Variants in ABCA9 observed in about 807,000 individuals in gnomAD.
ABCA9 encodes ATP binding cassette subfamily A member 9, also known as ATP-binding cassette sub-family A member 9.
A neutral mutation model predicts 205.3 loss-of-function variants in ABCA9; 183 were observed. The observed-to-expected ratio is 0.89, with a 90% CI of 0.79 to 1.01. The LOEUF (loss-of-function observed/expected upper bound fraction) is 1.01, where lower values mean the gene tolerates loss of function less well. ABCA9 is among the 50% of genes least tolerant of loss of function. ABCA9 has a pLI of 0.00. For missense variants in ABCA9, 1,805 were observed against 1,912.4 expected, an observed-to-expected ratio of 0.94 and a Z score of 1.05; for synonymous variants, 651 against 683.3, an observed-to-expected ratio of 0.95 and a Z score of 0.74.
chr17:68,984,764 TCCTAAAA>T lies in ABCA9; in HGVS notation c.4379+114_4379+120del. ...TGATTTGAAATCAGATAATTTTTTT[TCCTAAAA>T]TATTGCTTTTCCTGATACTGTGTCT... On this transcript the variant is annotated intron_variant, in intron 34 of 38. Transcript: ENST00000340001. 5 of 1,299,286 alleles carry T rather than the reference TCCTAAAA, an allele frequency of 3.8e-6. No homozygotes were observed. The Admixed American group carries it at 7.7e-5, about 20-fold the overall frequency. The allele number at this position is 1,299,286 out of a possible 1,614,324, so 80.5% of individuals were successfully genotyped here.
chr17:69,024,416 T>TTGTTTTA, intron 16 of ABCA9, 63 bp from the exon 17 acceptor site: 3 of 1,416,096 alleles, frequency 2.1e-6, no homozygotes, highest in Non-Finnish European at 2.8e-6. Context: ...AATTTCCTAA[T>TTGTTTTA]TATGTAGTAT....
intron 36 of ABCA9, among the ~76,000 whole-genome samples, chr17:68,983,111 CTT>C (rs1412629591): frequency 6.6e-6 from 1 of 152,122 alleles, no homozygotes; most frequent in African/African-American, 2.4e-5. Context: ...TGTAAGTGCT[CTT>C]TGATCAACAA....
Position 69,011,968 on chromosome 17 carries a change from C to T in ABCA9, c.3147+8G>A, listed in dbSNP as rs768441335. Reference sequence around the variant, plus strand: ...TAAAAAACATGTGAAGACTTTAACTCTTCTTACTTTGTAGTCACCAATGCT... The same window carrying T: ...TAAAAAACATGTGAAGACTTTAACTTTTCTTACTTTGTAGTCACCAATGCT... On this transcript the variant is annotated splice_region_variant and intron_variant, in intron 23 of 38. Coordinates refer to ENST00000340001, the MANE Select transcript of ABCA9 (RefSeq NM_080283.4). 3 of 1,598,012 alleles carry T rather than the reference C, an allele frequency of 1.9e-6. No homozygotes were observed. Among genetic ancestry groups the T allele is most frequent in the Non-Finnish European group, 2.6e-6 (3 of 1,170,262 alleles).
At chr17:69,010,290 G>A (rs1033041391) in intron 23 of ABCA9, among the ~76,000 whole-genome samples, 2 of 151,972 alleles carry the variant, frequency 1.3e-5, no homozygotes, top group African/African-American at 4.8e-5. Context: ...GCAGAGAAGG[G>A]GTCTTGGCTG....
intron 24 of ABCA9, 30 bp from the exon 25 acceptor site, chr17:69,007,902 G>A (rs2070207508): frequency 6.7e-7 from 1 of 1,490,646 alleles, no homozygotes; most frequent in Non-Finnish European, 9.3e-7. Context: ...GGTCCAATAA[G>A]GTAAATACTA....
At chr17:69,020,830 G>A in intron 18 of ABCA9, 2 of 411,504 alleles carry the variant, frequency 4.9e-6, no homozygotes, top group Non-Finnish European at 8.6e-6. Flanking sequence ...CAGCTTTATA[G>A]GACTTTATTT....
At chr17:69,011,944 A>G (rs571309985) in intron 23 of ABCA9, 32 bp downstream of exon 23, 8 of 1,509,968 alleles carry the variant, frequency 5.3e-6, no homozygotes, top group East Asian at 2.3e-5. Context: ...CTCTAGATAT[A>G]AAAAACATGT....
intron 12 of ABCA9, 50 bp downstream of exon 12, chr17:69,028,485 A>C: frequency 7.7e-7 from 1 of 1,300,574 alleles, no homozygotes; most frequent in Non-Finnish European, 1.1e-6. Flanking sequence ...AATTAAATGC[A>C]TATTAATGTG....
At chr17:68,998,205 A>C (rs2069700526) in intron 25 of ABCA9, among the ~76,000 whole-genome samples, 1 of 152,194 alleles carries the variant, frequency 6.6e-6, no homozygotes, top group Admixed American at 6.5e-5. Flanking sequence ...GTTGCTTCCA[A>C]GTTTTGACAA....
chr17:68,988,908 T>C, intron 31 of ABCA9, 119 bp downstream of exon 31: 1 of 612,292 alleles, frequency 1.6e-6, no homozygotes, highest in South Asian at 3.1e-5. Flanking sequence ...TTAATCAATC[T>C]TCTTTATTCA....
intron 29 of ABCA9, 43 bp downstream of exon 29, chr17:68,990,794 T>A (rs1436922568): frequency 6.3e-7 from 1 of 1,594,266 alleles, no homozygotes; most frequent in Non-Finnish European, 8.5e-7. Flanking sequence ...ACTTTATCTG[T>A]CAGAAAAAAA....
upstream of ABCA9, among the ~76,000 whole-genome samples, chr17:69,065,663 T>C (rs1042092110): frequency 4.6e-5 from 7 of 152,168 alleles, no homozygotes; most frequent in Non-Finnish European, 8.8e-5. Flanking sequence ...ACTACAACTA[T>C]CTGCTCAGCT....
intron 37 of ABCA9, among the ~76,000 whole-genome samples, chr17:68,978,296 CT>C (rs539555403): frequency 6.6e-6 from 1 of 151,670 alleles, no homozygotes; most frequent in Non-Finnish European, 1.5e-5. Context: ...CAACCCCTGC[CT>C]TTTTTTTGTT....
intron 25 of ABCA9, among the ~76,000 whole-genome samples, chr17:69,005,608 C>G (rs986408364): frequency 2.6e-5 from 4 of 152,344 alleles, no homozygotes; most frequent in African/African-American, 9.6e-5. Context: ...GTATCAGGGA[C>G]TTCGTTCCTT....
chr17:68,989,971 C>G (rs938982121), intron 29 of ABCA9, 41 bp from the exon 30 acceptor site: 1 of 1,390,048 alleles, frequency 7.2e-7, no homozygotes, highest in Non-Finnish European at 1.0e-6. Context: ...TTATTCGCAT[C>G]TTGAACTGAG....
At chr17:68,992,134 A>G in intron 28 of ABCA9, 41 bp downstream of exon 28, 1 of 1,371,288 alleles carries the variant, frequency 7.3e-7, no homozygotes, top group Non-Finnish European at 1.0e-6. Flanking sequence ...TAAAGAATGA[A>G]TATCAAAATG....
At chr17:69,018,152 G>T in intron 20 of ABCA9, 1 of 392,972 alleles carries the variant, frequency 2.5e-6, no homozygotes, top group Non-Finnish European at 4.5e-6. Flanking sequence ...GACCTCAGAG[G>T]TGAGTCAATG....
intron 3 of ABCA9, 124 bp downstream of exon 3, chr17:69,049,159 T>A (rs1387897894): frequency 9.3e-7 from 1 of 1,077,738 alleles, no homozygotes; most frequent in Non-Finnish European, 1.3e-6. Context: ...GGAAGGAATA[T>A]ACGTTAATGT....
At chr17:69,010,705 A>G (rs74825376) in intron 23 of ABCA9, among the ~76,000 whole-genome samples, 7,222 of 152,234 alleles carry the variant, frequency 0.047, 398 homozygotes, top group African/African-American at 0.13. Flanking sequence ...GCAAGGAATG[A>G]TGATGACTTA....
Sources: gnomAD v4.1 joint callset for allele counts (sites outside exome capture counted in the v4.1 genomes callset) on GRCh38, gnomAD v4.1.1 for gene constraint, MANE v1.5 for transcripts, NCBI Gene and HGNC (gene_info 2026-07-23, HGNC 2026-07-21) for gene names.